USP37: variants seen among roughly 807,000 people sequenced by gnomAD.
The protein encoded by USP37 is ubiquitin carboxyl-terminal hydrolase 37.
USP37 carries 27 observed loss-of-function variants against 124.0 expected under a neutral mutation model. That is an observed-to-expected ratio of 0.22 (90% confidence interval 0.16 to 0.30). USP37 has a LOEUF of 0.30. Ranked by LOEUF, USP37 falls within the 10% of genes least tolerant of loss-of-function variation. The probability of loss-of-function intolerance (pLI) is 1.00; values close to 1 mark genes in which losing one functional copy is unlikely to be tolerated. For synonymous variants in USP37, 365 were observed against 388.0 expected (o/e 0.94, Z 0.70); for missense variants, 889 against 1,140.4 (o/e 0.78, Z 3.17).
intron 1 of USP37, among the ~76,000 whole-genome samples, chr2:218,565,147 T>C (rs1015415393): frequency 1.3e-5 from 2 of 152,174 alleles, no homozygotes; most frequent in African/African-American, 2.4e-5. Context: ...GGTATCGAAC[T>C]CCGGGGCTCA....
intron 10 of USP37, chr2:218,528,687 C>T: frequency 4.7e-6 from 2 of 426,878 alleles, no homozygotes; most frequent in Non-Finnish European, 4.2e-6. Context: ...TGGGCATTTG[C>T]CATTACCCTC....
intron 19 of USP37, 53 bp downstream of exon 19, chr2:218,476,787 A>C (rs764196176): frequency 4.6e-6 from 7 of 1,536,474 alleles, no homozygotes; most frequent in Non-Finnish European, 6.1e-6. Context: ...ATTTGTTTGG[A>C]CAGTAAGAGA....
intron 10 of USP37, among the ~76,000 whole-genome samples, chr2:218,524,364 T>A (rs574990852): frequency 1.3e-5 from 2 of 152,292 alleles, no homozygotes; most frequent in South Asian, 4.1e-4. Context: ...CCTCCCAAAG[T>A]GCTGAGATTA....
At chr2:218,532,361 G>A (rs995864908) in intron 9 of USP37, among the ~76,000 whole-genome samples, 1 of 151,794 alleles carries the variant, frequency 6.6e-6, no homozygotes, top group Non-Finnish European at 1.5e-5. Flanking sequence ...AGCTACTCGG[G>A]AGGCTGAGGC....
At chr2:218,466,309 A>C in intron 20 of USP37, 133 bp from the exon 21 acceptor site, 1 of 994,700 alleles carries the variant, frequency 1.0e-6, no homozygotes, top group Non-Finnish European at 1.4e-6. Flanking sequence ...ATACAATTTC[A>C]CCTTACTAGA....
chr2:218,487,261 G>A (rs1691625078), intron 15 of USP37, among the ~76,000 whole-genome samples: 1 of 152,116 alleles, frequency 6.6e-6, no homozygotes, highest in Non-Finnish European at 1.5e-5. Context: ...CTTTCTTCCT[G>A]TTTCTAATAG....
At position 218,479,659 on chromosome 2, in the gene USP37, G is replaced by T. The variant is rs556686005; in HGVS notation, c.1892C>A (p.Thr631Lys). ...AAGAAATATAACTCACTTTGAAGGT[G>T]TAGAAGGGCTGGTGATGCAGGAATT... ...MVNSCITSPS[T>K]PSKKFTFKSK... Residue 631 changes from threonine (T) to lysine (K), a missense_variant, in exon 18 of 26, where the codon ACA becomes AAA. By Grantham distance (78) the Thr-to-Lys change is moderately conservative. This residue lies in a region of USP37 where 504 missense variants were observed against 714.3 expected (regional missense o/e 0.71). Coordinates refer to ENST00000258399, the MANE Select transcript of USP37 (RefSeq NM_020935.3). The T allele has an allele frequency of 1.2e-5, 20 of 1,612,428 alleles. No homozygotes were observed. In the South Asian group the frequency reaches 2.0e-4, roughly 16 times the overall value.
intron 8 of USP37, among the ~76,000 whole-genome samples, chr2:218,539,657 G>A (rs948574181): frequency 6.6e-6 from 1 of 151,880 alleles, no homozygotes; most frequent in African/African-American, 2.4e-5. Context: ...GGAGGTTGCA[G>A]TGAGCTGAGA....
rs2106406047 is a variant in USP37, at chr2:218,460,011, A to T, written c.2528-106T>A. The T allele has an allele frequency of 4.4e-6, 3 of 678,990 alleles. No homozygotes were observed. In the East Asian group the frequency reaches 1.0e-4, roughly 23 times the overall value. The allele number at this position is 678,990 out of a possible 1,614,324, so 42.1% of individuals were successfully genotyped here. A position where few individuals can be genotyped will look rare whatever the true frequency, so the allele number is the denominator to read the frequency against. On this transcript the variant is annotated intron_variant, in intron 22 of 25. Transcript: ENST00000258399. ...TTTGGGAGGCCGAGACAGGTGGATC[A>T]CCTGAGGTCAGGAGTTCGAGACCAG...
At chr2:218,523,685 T>C (rs769753023) in intron 10 of USP37, among the ~76,000 whole-genome samples, 1 of 152,180 alleles carries the variant, frequency 6.6e-6, no homozygotes, top group African/African-American at 2.4e-5. Context: ...CCTTAAGTAC[T>C]GTGATAATAG....
chr2:218,461,236 G>A (rs7604770), intron 22 of USP37, among the ~76,000 whole-genome samples: 2,502 of 152,164 alleles, frequency 0.016, 64 homozygotes, highest in African/African-American at 0.056. Flanking sequence ...AGCCAGGCAC[G>A]GTGGCTCACA....
intron 15 of USP37, among the ~76,000 whole-genome samples, chr2:218,487,448 G>C (rs1000225484): frequency 2.0e-5 from 3 of 151,510 alleles, no homozygotes; most frequent in African/African-American, 7.3e-5. Context: ...TTGAGACGGA[G>C]TCTCGTTCTG....
intron 25 of USP37, 140 bp downstream of exon 25, chr2:218,455,440 C>T: frequency 9.5e-7 from 1 of 1,047,998 alleles, no homozygotes; most frequent in Non-Finnish European, 1.3e-6. Context: ...AAGAGATAGA[C>T]CCTAACCAAA....
intron 8 of USP37, among the ~76,000 whole-genome samples, chr2:218,544,406 A>AAATATATATATATAT (rs1312705279): frequency 1.2e-5 from 1 of 82,976 alleles, no homozygotes; most frequent in African/African-American, 6.9e-5. Context: ...AAAAAAAAAA[A>AAATATATATATATAT]ATATATATAT....
chr2:218,474,007 G>A (rs1690833967), intron 20 of USP37, among the ~76,000 whole-genome samples: 1 of 152,160 alleles, frequency 6.6e-6, no homozygotes, highest in African/African-American at 2.4e-5. Flanking sequence ...GTAAGTAGTT[G>A]TGTATCTAAA....
intron 20 of USP37, among the ~76,000 whole-genome samples, chr2:218,470,819 A>G (rs1476430295): frequency 6.6e-6 from 1 of 152,186 alleles, no homozygotes; most frequent in African/African-American, 2.4e-5. Context: ...GTTAAGTCAC[A>G]GATATTTATT....
intron 11 of USP37, among the ~76,000 whole-genome samples, chr2:218,503,469 C>CA (rs1362072521): frequency 6.6e-6 from 1 of 152,240 alleles, no homozygotes; most frequent in Non-Finnish European, 1.5e-5. Flanking sequence ...GTAATCCCAG[C>CA]ACTTTGGAGG....
chr2:218,527,326 T>C (rs1691036053), intron 10 of USP37, among the ~76,000 whole-genome samples: 1 of 152,230 alleles, frequency 6.6e-6, no homozygotes, highest in Non-Finnish European at 1.5e-5. Context: ...CAAGCACTTA[T>C]ACACAAGTGT....
In USP37 at chr2:218,480,786, T is replaced by G. The variant is rs77086718; in HGVS notation, c.1836-1071A>C. Among the ~76,000 whole-genome samples the G allele has an allele frequency of 1.5e-3, 228 of 152,298 alleles. 3 individuals carry two copies. In the East Asian group the frequency reaches 0.042, roughly 28 times the overall value. ...GTGATCATACACTATTAGTGTGACATAGTACTACTGCCAGCAAGAGTAATA... is the reference window on the plus strand; with the variant it reads ...GTGATCATACACTATTAGTGTGACAGAGTACTACTGCCAGCAAGAGTAATA... On this transcript the variant is annotated intron_variant, in intron 17 of 25. Transcript: ENST00000258399.
Sources: gnomAD v4.1 joint callset for allele counts (sites outside exome capture counted in the v4.1 genomes callset) on GRCh38, gnomAD v4.1.1 for gene constraint, gnomAD v4.1.1 regional missense constraint, MANE v1.5 for transcripts, NCBI Gene and HGNC (gene_info 2026-07-23, HGNC 2026-07-21) for gene names.